CCDC178: variants seen among roughly 807,000 people sequenced by gnomAD.
CCDC178 encodes coiled-coil domain containing 178.
A neutral mutation model predicts 117.4 loss-of-function variants in CCDC178; 126 were observed. That is an observed-to-expected ratio of 1.07 (90% CI 0.93 to 1.24). The LOEUF (loss-of-function observed/expected upper bound fraction) is 1.24, where lower values mean the gene tolerates loss of function less well. Among genes scored for constraint, CCDC178 ranks in the 50% most tolerant of loss-of-function variants. The pLI, the probability that CCDC178 is intolerant of heterozygous loss-of-function variation, is 0.00. For missense variants in CCDC178, 1,030 were observed against 986.9 expected (o/e 1.04, Z -0.59); for synonymous variants, 283 against 313.4 (o/e 0.90, Z 1.02).
At chr18:33,079,564 C>T (rs2057264975) in intron 21 of CCDC178, among the ~76,000 whole-genome samples, 1 of 151,470 alleles carries the variant, frequency 6.6e-6, no homozygotes, top group Admixed American at 6.6e-5. Flanking sequence ...CTGTAAGGAA[C>T]TTAAACAAAT....
intron 21 of CCDC178, chr18:32,983,369 TA>T: frequency 7.0e-7 from 1 of 1,422,082 alleles, no homozygotes; most frequent in African/African-American, 1.4e-5. Context: ...ATAGAAATAT[TA>T]CAAATATTAC....
chr18:32,944,820 C>T (rs889173936), intron 22 of CCDC178, among the ~76,000 whole-genome samples: 1 of 152,140 alleles, frequency 6.6e-6, no homozygotes, highest in Non-Finnish European at 1.5e-5. Context: ...GTGAATAAAT[C>T]TCACTAGATC....
chr18:33,028,863 G>GA (rs952844279), intron 21 of CCDC178, among the ~76,000 whole-genome samples: 6 of 151,772 alleles, frequency 4.0e-5, no homozygotes, highest in African/African-American at 1.4e-4. Context: ...GCATACCTAG[G>GA]AAAAATCTCA....
intron 6 of CCDC178, among the ~76,000 whole-genome samples, chr18:33,367,928 A>C (rs1417192680): frequency 6.6e-6 from 1 of 152,032 alleles, no homozygotes; most frequent in Non-Finnish European, 1.5e-5. Context: ...TTTATTCATA[A>C]ACAAAGAATT....
At chr18:33,417,941 T>C (rs1032740530) in intron 2 of CCDC178, among the ~76,000 whole-genome samples, 3 of 152,106 alleles carry the variant, frequency 2.0e-5, no homozygotes, top group African/African-American at 7.2e-5. Context: ...CCATTCCTAC[T>C]GAAATTATTC....
At chr18:33,121,057 G>C (rs2057930251) in intron 20 of CCDC178, among the ~76,000 whole-genome samples, 1 of 152,080 alleles carries the variant, frequency 6.6e-6, no homozygotes, top group Non-Finnish European at 1.5e-5. Context: ...TGTCAACTTT[G>C]CTAGTCTTCA....
chr18:32,948,144 T>G lies in CCDC178; in HGVS notation c.2524-10053A>C, dbSNP rs547388134. 3.2e-4 allele frequency among the ~76,000 whole-genome samples: 48 copies of G among 152,264 alleles called. No homozygotes were observed. In the South Asian group the frequency reaches 3.9e-3, roughly 12 times the overall value. Reference sequence around the variant, plus strand: ...AATTAGGTATTGTAAGTCATTTAACTTTGTACTTCCTTTATGATGTTGTTT... The same window carrying G: ...AATTAGGTATTGTAAGTCATTTAACGTTGTACTTCCTTTATGATGTTGTTT... On this transcript the variant is annotated intron_variant, in intron 22 of 22. Transcript: ENST00000383096.
intron 20 of CCDC178, among the ~76,000 whole-genome samples, chr18:33,147,382 AG>A (rs2058282292): frequency 1.9e-5 from 1 of 53,952 alleles, no homozygotes; most frequent in Non-Finnish European, 3.7e-5. Flanking sequence ...TTTTTTTTTT[AG>A]TATTTATTGA....
rs955959064 is a variant in CCDC178, at chr18:33,227,542, G to A, written c.1594-687C>T. Among the ~76,000 whole-genome samples the A allele has an allele frequency of 7.3e-3, 492 of 67,522 alleles. 3 individuals carry two copies. Among genetic ancestry groups the A allele is most frequent in the African/African-American group, 0.022 (440 of 19,604 alleles). 44.3% of individuals were successfully genotyped at this position (67,522 alleles called of 152,430 possible). The stretch of plus-strand genomic sequence containing the variant: ...TCAAAAGATATATGTATGTGTGTGT[G>A]TGTGTGTGTGTGTGTATATATATAT... On this transcript the variant is annotated intron_variant, in intron 15 of 22. Coordinates refer to ENST00000383096, the MANE Select transcript of CCDC178 (RefSeq NM_001105528.4).
rs74732268 is a variant in CCDC178 at position 33,402,583 on chromosome 18, G to A, written c.59-5375C>T. Among the ~76,000 whole-genome samples, 661 of 152,210 alleles carry A rather than the reference G, an allele frequency of 4.3e-3. 3 individuals are homozygous for A. Among genetic ancestry groups the A allele is most frequent in the African/African-American group, 0.015 (616 of 41,534 alleles). ...AGGAAAAAGTCAGGCTAATATTATC[G>A]GAAAGAAGAGATTTAAAGGAATTAG... On this transcript the variant is annotated intron_variant, in intron 3 of 22. Transcript: ENST00000383096.
intron 21 of CCDC178, among the ~76,000 whole-genome samples, chr18:33,049,688 T>A (rs1043219607): frequency 1.3e-5 from 2 of 152,194 alleles, no homozygotes; most frequent in Non-Finnish European, 1.5e-5. Context: ...TGAAGATAGA[T>A]GCATCACACT....
chr18:32,951,149 C>T (rs979603363), intron 22 of CCDC178, among the ~76,000 whole-genome samples: 2 of 152,062 alleles, frequency 1.3e-5, no homozygotes, highest in African/African-American at 4.8e-5. Context: ...TCAGTTATTA[C>T]CTATGTTAAC....
At chr18:33,398,597 C>T (rs931603594) in intron 3 of CCDC178, among the ~76,000 whole-genome samples, 5 of 152,082 alleles carry the variant, frequency 3.3e-5, no homozygotes, top group East Asian at 1.9e-4. Context: ...TCTGTATTTT[C>T]GGCAAGTAGC....
intron 2 of CCDC178, among the ~76,000 whole-genome samples, chr18:33,424,816 T>C (rs1438475527): frequency 1.3e-5 from 2 of 152,176 alleles, no homozygotes; most frequent in Non-Finnish European, 2.9e-5. Context: ...GTAAGACAGC[T>C]GCTGATGAGA....
intron 7 of CCDC178, among the ~76,000 whole-genome samples, chr18:33,351,621 T>A (rs1006702170): frequency 1.3e-5 from 2 of 152,224 alleles, no homozygotes; most frequent in Non-Finnish European, 2.9e-5. Flanking sequence ...CAGTTCACTG[T>A]AAACTTGACC....
intron 21 of CCDC178, among the ~76,000 whole-genome samples, chr18:33,070,549 A>G (rs931353448): frequency 2.0e-5 from 3 of 152,034 alleles, no homozygotes; most frequent in South Asian, 2.1e-4. Flanking sequence ...AGGTTGCTTA[A>G]TGAGTACAAA....
At chr18:33,347,174 T>A (rs2062907925) in intron 8 of CCDC178, among the ~76,000 whole-genome samples, 1 of 152,080 alleles carries the variant, frequency 6.6e-6, no homozygotes, top group Non-Finnish European at 1.5e-5. Flanking sequence ...AACACTGACT[T>A]TTGCCAAAAT....
intron 14 of CCDC178, among the ~76,000 whole-genome samples, chr18:33,254,777 A>G (rs1181156114): frequency 6.6e-6 from 1 of 152,060 alleles, no homozygotes; most frequent in Non-Finnish European, 1.5e-5. Flanking sequence ...TCCTATCAGA[A>G]GAATATTGGA....
intron 21 of CCDC178, among the ~76,000 whole-genome samples, chr18:33,031,108 C>T (rs2056333865): frequency 1.3e-5 from 2 of 152,162 alleles, no homozygotes; most frequent in South Asian, 4.1e-4. Context: ...TCACATCATC[C>T]ATTTGTTTCT....
Sources: gnomAD v4.1 joint callset for allele counts (sites outside exome capture counted in the v4.1 genomes callset) on GRCh38, gnomAD v4.1.1 for gene constraint, MANE v1.5 for transcripts, NCBI Gene and HGNC (gene_info 2026-07-23, HGNC 2026-07-21) for gene names.